PAWR: variants seen among roughly 807,000 people sequenced by gnomAD.
The protein encoded by PAWR is PRKC apoptosis WT1 regulator protein.
PAWR carries 23 observed loss-of-function variants against 32.0 expected under a neutral mutation model. That is an observed-to-expected ratio of 0.72 (90% CI 0.52 to 1.02). The LOEUF is 1.02. Ranked by LOEUF, PAWR falls within the 50% of genes least tolerant of loss-of-function variation. The pLI is 0.00. For missense variants in PAWR, 457 were observed against 437.7 expected (o/e 1.04, Z -0.39); for synonymous variants, 226 against 187.1 (o/e 1.21, Z -1.70).
At chr12:79,606,030 C>T (rs1035501633) in intron 4 of PAWR, among the ~76,000 whole-genome samples, 1 of 152,066 alleles carries the variant, frequency 6.6e-6, no homozygotes, top group East Asian at 1.9e-4. Flanking sequence ...GCCGAGATTG[C>T]ACCACTGCAC....
At chr12:79,595,734 C>G (rs2136674027) in intron 5 of PAWR, among the ~76,000 whole-genome samples, 1 of 152,172 alleles carries the variant, frequency 6.6e-6, no homozygotes, top group African/African-American at 2.4e-5. Context: ...TGCCTGTAAT[C>G]CCAGTTACTT....
At chr12:79,593,768 T>A (rs1162864933) in intron 6 of PAWR, among the ~76,000 whole-genome samples, 1 of 141,758 alleles carries the variant, frequency 7.1e-6, no homozygotes, top group Non-Finnish European at 1.5e-5. Flanking sequence ...AGCAGCGCAA[T>A]CTTGGCTCAC....
intron 2 of PAWR, among the ~76,000 whole-genome samples, chr12:79,678,310 T>C (rs973624851): frequency 3.3e-5 from 5 of 152,348 alleles, no homozygotes; most frequent in African/African-American, 1.2e-4. Context: ...AACAGCAGAA[T>C]AAAGTCTGAA....
chr12:79,683,826 A>T (rs1345785684), intron 2 of PAWR, among the ~76,000 whole-genome samples: 1 of 152,188 alleles, frequency 6.6e-6, no homozygotes, highest in East Asian at 1.9e-4. Context: ...ATAAATACCT[A>T]TTATACTAAA....
In PAWR at chr12:79,683,895, G is replaced by A. The variant is rs146034515; in HGVS notation, c.516+5834C>T. On this transcript the variant is annotated intron_variant, in intron 2 of 6. Transcript: ENST00000328827. ...GTTTTAAGAAACTTAAAATTGAGGAGATCCTACCATAATTTCATTTTCTCT... is the reference window on the plus strand; with the variant it reads ...GTTTTAAGAAACTTAAAATTGAGGAAATCCTACCATAATTTCATTTTCTCT... Among the ~76,000 whole-genome samples the A allele has an allele frequency of 2.5e-4, 38 of 152,188 alleles. No homozygotes were observed. The East Asian group carries it at 6.9e-3, about 28-fold the overall frequency.
chr12:79,622,213 G>C (rs1176018877), intron 2 of PAWR, among the ~76,000 whole-genome samples: 1 of 152,114 alleles, frequency 6.6e-6, no homozygotes, highest in Admixed American at 6.6e-5. Flanking sequence ...GAGATAGGAG[G>C]AACATACTGA....
intron 2 of PAWR, among the ~76,000 whole-genome samples, chr12:79,652,046 C>A (rs1267287198): frequency 6.6e-6 from 1 of 151,810 alleles, no homozygotes; most frequent in Non-Finnish European, 1.5e-5. Context: ...CTAGAGTAGT[C>A]AAATTAATAT....
At position 79,619,632 on chromosome 12, in the gene PAWR, T is replaced by C. The variant is rs141040091; in HGVS notation, c.648+1444A>G. Reference sequence around the variant, plus strand: ...TGGGGGTACTGCTATACTAGTATCATTGAAACGGCTTGTAAAAAGTACAAC... The same window carrying C: ...TGGGGGTACTGCTATACTAGTATCACTGAAACGGCTTGTAAAAAGTACAAC... On this transcript the variant is annotated intron_variant, in intron 3 of 6. Coordinates refer to ENST00000328827, the MANE Select transcript of PAWR (RefSeq NM_002583.4). Among the ~76,000 whole-genome samples the C allele has an allele frequency of 3.9e-5, 6 of 152,304 alleles. No individual in the cohort carries two copies. In the East Asian group the frequency reaches 1.2e-3, roughly 29 times the overall value.
At chr12:79,663,761 A>C (rs1450572440) in intron 2 of PAWR, among the ~76,000 whole-genome samples, 1 of 151,832 alleles carries the variant, frequency 6.6e-6, no homozygotes, top group Non-Finnish European at 1.5e-5. Context: ...ACTCTGTCTC[A>C]AACAAAACCA....
At chr12:79,604,384 G>A in intron 4 of PAWR, 2 of 1,009,446 alleles carry the variant, frequency 2.0e-6, no homozygotes, top group South Asian at 3.8e-5. Context: ...AAACACCAGG[G>A]GGTGTTGTGT....
At chr12:79,677,998 A>C (rs1044718140) in intron 2 of PAWR, among the ~76,000 whole-genome samples, 17 of 152,068 alleles carry the variant, frequency 1.1e-4, no homozygotes, top group Admixed American at 2.6e-4. Flanking sequence ...ACCCCCAAAC[A>C]CTCAAATTTA....
chr12:79,593,934 C>T (rs1220977597), intron 6 of PAWR, among the ~76,000 whole-genome samples: 1 of 151,826 alleles, frequency 6.6e-6, no homozygotes, highest in African/African-American at 2.4e-5. Flanking sequence ...GAACTCCTGA[C>T]TTCACGTGAT....
chr12:79,608,340 C>A (rs972694446), intron 4 of PAWR, among the ~76,000 whole-genome samples: 5 of 152,114 alleles, frequency 3.3e-5, no homozygotes, highest in Non-Finnish European at 7.4e-5. Flanking sequence ...TGAAACTGTT[C>A]CACCTCAGAT....
rs8176872 is a variant in PAWR at position 79,620,824 on chromosome 12, G to A, written c.648+252C>T. Among the ~76,000 whole-genome samples the A allele has an allele frequency of 1.5e-3, 225 of 152,234 alleles. 6 individuals are homozygous for A. The South Asian group carries it at 0.04, about 27-fold the overall frequency. ...GAGCAATCCGACATGAGTTCTCCGA[G>A]TCTCAGCAGGAGCAAACAGAGGCCC... On this transcript the variant is annotated intron_variant, in intron 3 of 6. Coordinates refer to ENST00000328827, the MANE Select transcript of PAWR (RefSeq NM_002583.4).
intron 3 of PAWR, among the ~76,000 whole-genome samples, chr12:79,618,997 T>C (rs1874876973): frequency 6.6e-6 from 1 of 151,932 alleles, no homozygotes; most frequent in Admixed American, 6.6e-5. Context: ...AACCCATGGG[T>C]ATTAATAAAG....
intron 2 of PAWR, among the ~76,000 whole-genome samples, chr12:79,679,396 A>T (rs758210614): frequency 1.3e-5 from 2 of 152,208 alleles, no homozygotes; most frequent in Non-Finnish European, 2.9e-5. Flanking sequence ...GTTTGGTGAC[A>T]CTGGTACAAA....
rs548957081 is a variant in PAWR, at chr12:79,612,466, T to C, written c.683+1109A>G. On this transcript the variant is annotated intron_variant, in intron 4 of 6. Coordinates refer to ENST00000328827, the MANE Select transcript of PAWR (RefSeq NM_002583.4). ...TACAGATGAAAGTAAGTGTTTTACA[T>C]GTATAAATCTAGGCAGATGGTCTTA... 2.8e-4 allele frequency among the ~76,000 whole-genome samples: 42 copies of C among 152,192 alleles called. 1 individual carries two copies. Among genetic ancestry groups the C allele is most frequent in the Non-Finnish European group, 5.9e-4 (40 of 68,024 alleles).
In PAWR at chr12:79,643,823, A is replaced by T. The variant is rs8176827; in HGVS notation, c.517-22616T>A. 9.3e-4 allele frequency among the ~76,000 whole-genome samples: 141 copies of T among 152,286 alleles called. 2 individuals carry two copies. The highest frequency in any genetic ancestry group is 8.3e-3 in the Admixed American group (127 of 15,292). Reference sequence around the variant, plus strand: ...TTTTTCAGCTGTCAGGGAATATCAAAATTTTACATAGCAAAAATAAAATAA... The same window carrying T: ...TTTTTCAGCTGTCAGGGAATATCAATATTTTACATAGCAAAAATAAAATAA... On this transcript the variant is annotated intron_variant, in intron 2 of 6. Coordinates refer to ENST00000328827, the MANE Select transcript of PAWR (RefSeq NM_002583.4).
intron 2 of PAWR, among the ~76,000 whole-genome samples, chr12:79,632,362 T>TATTA (rs1566011223): frequency 8.0e-5 from 4 of 49,888 alleles, no homozygotes; most frequent in Non-Finnish European, 9.3e-5. Flanking sequence ...TATATATATA[T>TATTA]TTTTTTTTTT....
Sources: gnomAD v4.1 joint callset for allele counts (sites outside exome capture counted in the v4.1 genomes callset) on GRCh38, gnomAD v4.1.1 for gene constraint, MANE v1.5 for transcripts, NCBI Gene and HGNC (gene_info 2026-07-23, HGNC 2026-07-21) for gene names.